Variants in SLC1A5 observed in about 807,000 individuals in gnomAD.
The protein encoded by SLC1A5 is neutral amino acid transporter B(0).
Under a neutral mutation model 34.9 loss-of-function variants are expected in SLC1A5, and 25 were observed. The ratio of observed to expected loss-of-function variants is 0.72; its 90% confidence interval spans 0.52 to 1.00. The LOEUF (loss-of-function observed/expected upper bound fraction) is 1.00. Ranked by LOEUF, SLC1A5 falls within the 50% of genes least tolerant of loss-of-function variation. The pLI is 0.00. For missense variants in SLC1A5, 637 were observed against 740.0 expected (o/e 0.86, Z 1.61); for synonymous variants, 351 against 341.2 (o/e 1.03, Z -0.32).
At chr19:46,775,888 C>T (rs1880329522) in intron 7 of SLC1A5, 141 bp from the exon 8 acceptor site, 1 of 735,010 alleles carries the variant, frequency 1.4e-6, no homozygotes, top group African/African-American at 1.8e-5. Flanking sequence ...GCCTGGGCAA[C>T]ATAGTGAGAT....
chr19:46,787,504 C>A lies in SLC1A5; in HGVS notation c.462G>T (p.Gln154His). ...TGATGGCGGCGGAGGCGGCGCCCGGCTGCAGAGCCAGCGCCAAGCCCACTC... is the reference window on the plus strand; with the variant it reads ...TGATGGCGGCGGAGGCGGCGCCCGGATGCAGAGCCAGCGCCAAGCCCACTC... ...ALGVGLALAL[Q>H]PGAASAAINA... Residue 154 changes from glutamine to histidine, a missense_variant, in exon 1 of 8, where the codon CAG becomes CAT. Coordinates refer to ENST00000542575, the MANE Select transcript of SLC1A5 (RefSeq NM_005628.3). The surrounding 1 kb of genome is among the most constrained non-coding windows in gnomAD (Gnocchi z 5.2). 1.9e-6 allele frequency: 3 copies of A among 1,581,576 alleles called. No individual in the cohort carries two copies. The highest frequency in any genetic ancestry group is 2.6e-6 in the Non-Finnish European group (3 of 1,164,828).
rs751436433 is a variant in SLC1A5 at position 46,775,649 on chromosome 19, G to A, written c.1487C>T (p.Pro496Leu). The A allele has an allele frequency of 1.1e-5, 17 of 1,613,966 alleles. No individual in the cohort carries two copies. Among genetic ancestry groups the A allele is most frequent in the Non-Finnish European group, 1.4e-5 (17 of 1,180,028 alleles). The change falls in exon 8 of 8, where the codon CCT becomes CTT. Residue 496 changes from proline (P) to leucine (L), a missense_variant. Physicochemically the swap from Pro to Leu is moderately conservative, Grantham distance 98 (BLOSUM62 -3). Transcript: ENST00000542575. ...CTCACTCTTCACTTGTATCAACTCA[G>A]GCTCTGTGCTTCTCGACTCCGTACG... is the stretch of plus-strand genomic sequence containing the variant. ...VDRTESRSTE[P>L]ELIQVKSELP...
At position 46,787,737 on chromosome 19, in the gene SLC1A5, C is replaced by T; in HGVS notation, c.229G>A (p.Gly77Ser). ...ALGLGVSGAGGALALGPERLS... is the reference protein window; with the variant it reads ...ALGLGVSGAGSALALGPERLS... The stretch of plus-strand genomic sequence containing the variant: ...CGCTCCGGGCCCAACGCCAGCGCAC[C>T]CCCGGCCCCCGACACCCCCAGTCCC... The change falls in exon 1 of 8, where the codon GGT becomes AGT. Residue 77 changes from glycine (G) to serine (S), a missense_variant. By Grantham distance (56) the Gly-to-Ser change is moderately conservative. Transcript: ENST00000542575. The surrounding 1 kb of genome is among the most constrained non-coding windows in gnomAD (Gnocchi z 5.2). The T allele has an allele frequency of 6.4e-7, 1 of 1,556,308 alleles. No individual in the cohort carries two copies. Among genetic ancestry groups the T allele is most frequent in the South Asian group, 1.2e-5 (1 of 85,820 alleles).
At chr19:46,783,901 G>C (rs2122696053) in intron 3 of SLC1A5, among the ~76,000 whole-genome samples, 196 bp downstream of exon 3, 1 of 151,376 alleles carries the variant, frequency 6.6e-6, no homozygotes. Context: ...AGGGAGAAAG[G>C]AAGAGCCTGG....
In SLC1A5 at chr19:46,782,374, A is replaced by AAACCCC; in HGVS notation, c.824+8_824+9insGGGGTT. 1 of 240,366 alleles carries AAACCCC rather than the reference A, an allele frequency of 4.2e-6. No individual in the cohort carries two copies. Among genetic ancestry groups the AAACCCC allele is most frequent in the Non-Finnish European group, 7.0e-6 (1 of 143,386 alleles). The allele number at this position is 240,366 out of a possible 1,614,324, so 14.9% of individuals were successfully genotyped here. A position where few individuals can be genotyped will look rare whatever the true frequency, so the allele number is the denominator to read the frequency against. The stretch of plus-strand genomic sequence containing the variant: ...CCACCCACCCCCAGCCTCCTCTCCC[A>AAACCCC]CCACCTACCACATGATCCAGGAGAC... On this transcript the variant is annotated intron_variant, in intron 4 of 7. Transcript: ENST00000542575.
In SLC1A5 at chr19:46,777,326, G is replaced by T. The variant is rs542023081; in HGVS notation, c.1138C>A (p.Pro380Thr). 1 of 1,613,790 alleles carries T rather than the reference G, an allele frequency of 6.2e-7. No individual in the cohort carries two copies. ...TCCATGTTGACGGTGGCGCCGATGG[G>T]CAGGATGAAACGGCTGATGTGCTTG... ...VAKHISRFIL[P>T]IGATVNMDGA... Residue 380 changes from proline to threonine, a missense_variant, in exon 6 of 8, where the codon CCC becomes ACC. By Grantham distance (38) the Pro-to-Thr change is conservative. Transcript: ENST00000542575.
chr19:46,784,853 G>A (rs965346077), intron 1 of SLC1A5: 31 of 1,386,848 alleles, frequency 2.2e-5, no homozygotes, highest in South Asian at 1.6e-4. Flanking sequence ...AGGGCAGGTC[G>A]CCCCGGGCCT....
At chr19:46,778,999 C>T (rs1242086413) in intron 4 of SLC1A5, 91 bp from the exon 5 acceptor site, 6 of 905,770 alleles carry the variant, frequency 6.6e-6, no homozygotes, top group Non-Finnish European at 8.4e-6. Flanking sequence ...ATCTTCCTGC[C>T]TTCCTGAGGT....
chr19:46,779,587 C>T (rs1295709449), intron 4 of SLC1A5, among the ~76,000 whole-genome samples: 3 of 151,898 alleles, frequency 2.0e-5, no homozygotes, highest in Non-Finnish European at 2.9e-5. Flanking sequence ...TGAGCCAATA[C>T]GCTCTCTGCA....
At chr19:46,775,901 C>T (rs1434963105) in intron 7 of SLC1A5, among the ~76,000 whole-genome samples, 154 bp from the exon 8 acceptor site, 1 of 150,594 alleles carries the variant, frequency 6.6e-6, no homozygotes, top group Non-Finnish European at 1.5e-5. Context: ...AGTGAGATCC[C>T]ATCTTTATAT....
intron 1 of SLC1A5, among the ~76,000 whole-genome samples, chr19:46,786,696 G>A (rs1263013483): frequency 6.6e-6 from 1 of 152,190 alleles, no homozygotes; most frequent in African/African-American, 2.4e-5. Context: ...GCCATTCTTG[G>A]GGGCGCGGGG....
intron 2 of SLC1A5, 27 bp downstream of exon 2, chr19:46,784,490 C>A (rs1401835467): frequency 1.9e-6 from 3 of 1,613,214 alleles, no homozygotes; most frequent in Admixed American, 1.7e-5. Flanking sequence ...CCACCCCCAT[C>A]CCCTCAGGAC....
In SLC1A5 at chr19:46,775,427, C is replaced by G; in HGVS notation, c.*83G>C. On this transcript the variant is annotated 3_prime_UTR_variant, in exon 8 of 8. Transcript: ENST00000542575. ...GAGTGTGCAGGCAGACCCCCAGAGC[C>G]CTAGCTCATCCATTTATCCATTCCT... 6.5e-7 allele frequency: 1 copy of G among 1,534,620 alleles called. No individual in the cohort carries two copies. The highest frequency in any genetic ancestry group is 8.8e-7 in the Non-Finnish European group (1 of 1,142,454).
intron 4 of SLC1A5, among the ~76,000 whole-genome samples, chr19:46,780,607 C>G (rs937757675): frequency 1.3e-5 from 2 of 151,816 alleles, no homozygotes; most frequent in Non-Finnish European, 2.9e-5. Flanking sequence ...ATCCTCCCCC[C>G]TCAGCCTCCC....
chr19:46,779,644 TC>T (rs2055129362), intron 4 of SLC1A5, among the ~76,000 whole-genome samples: 2 of 152,062 alleles, frequency 1.3e-5, no homozygotes, highest in South Asian at 4.1e-4. Flanking sequence ...ATGCCTATAA[TC>T]CCAGCACTTT....
Position 46,784,856 on chromosome 19 carries a change from C to G in SLC1A5, c.567-297G>C, listed in dbSNP as rs1353832737. On this transcript the variant is annotated intron_variant, in intron 1 of 7. Coordinates refer to ENST00000542575, the MANE Select transcript of SLC1A5 (RefSeq NM_005628.3). Reference sequence around the variant, plus strand: ...CCACGGCAGGCCAGGGCAGGTCGCCCCGGGCCTCAGCTCCACCCCATGCAG... The same window carrying G: ...CCACGGCAGGCCAGGGCAGGTCGCCGCGGGCCTCAGCTCCACCCCATGCAG... 2.9e-6 allele frequency: 4 copies of G among 1,389,080 alleles called. No individual in the cohort carries two copies. The African/African-American group carries it at 5.8e-5, about 20-fold the overall frequency. The allele number at this position is 1,389,080 out of a possible 1,614,324, so 86.0% of individuals were successfully genotyped here. A position where few individuals can be genotyped will look rare whatever the true frequency, so the allele number is the denominator to read the frequency against.
intron 7 of SLC1A5, among the ~76,000 whole-genome samples, chr19:46,776,022 A>G (rs1479945138): frequency 2.0e-5 from 3 of 151,762 alleles, no homozygotes; most frequent in Non-Finnish European, 2.9e-5. Flanking sequence ...TGGAGGCTGC[A>G]GTGATCACAA....
In SLC1A5 at chr19:46,784,556, A is replaced by G; in HGVS notation, c.570T>C (p.Asn190=). ...VLDSFLDLAR[N]IFPSNLVSAA... Reference sequence around the variant, plus strand: ...CTGACACCAGGTTGGAAGGGAAGATATTTCTGCAGAGACAGACACACAGAG... The same window carrying G: ...CTGACACCAGGTTGGAAGGGAAGATGTTTCTGCAGAGACAGACACACAGAG... The change falls in exon 2 of 8, where the codon AAT becomes AAC. Residue 190 remains asparagine, a synonymous_variant. Transcript: ENST00000542575. The G allele has an allele frequency of 6.2e-7, 1 of 1,614,050 alleles. No individual in the cohort carries two copies.
Position 46,775,118 on chromosome 19 carries a change from C to G in SLC1A5, c.*392G>C. 1.9e-6 allele frequency: 2 copies of G among 1,034,610 alleles called. No homozygotes were observed. Among genetic ancestry groups the G allele is most frequent in the African/African-American group, 1.7e-5 (1 of 58,446 alleles). The allele number at this position is 1,034,610 out of a possible 1,614,324, so 64.1% of individuals were successfully genotyped here. A position where few individuals can be genotyped will look rare whatever the true frequency, so the allele number is the denominator to read the frequency against. ...GCACACACACATCCCCCCACAACTA[C>G]AGCCGCCAAAATAACCAGCATGGTG... On this transcript the variant is annotated 3_prime_UTR_variant, in exon 8 of 8. Coordinates refer to ENST00000542575, the MANE Select transcript of SLC1A5 (RefSeq NM_005628.3).
Sources: gnomAD v4.1 joint callset for allele counts (sites outside exome capture counted in the v4.1 genomes callset) on GRCh38, gnomAD v4.1.1 for gene constraint, Gnocchi (gnomAD v3.1) non-coding constraint, MANE v1.5 for transcripts, NCBI Gene and HGNC (gene_info 2026-07-23, HGNC 2026-07-21) for gene names.